Variants in SVOP observed in about 807,000 individuals in gnomAD.
SVOP encodes synaptic vesicle 2-related protein.
Under a neutral mutation model 69.1 loss-of-function variants are expected in SVOP, and 17 were observed. The ratio of observed to expected loss-of-function variants is 0.25; its 90% CI spans 0.17 to 0.37. The LOEUF is 0.37. Among genes scored for constraint, SVOP ranks in the 10% least tolerant of loss-of-function variants. The probability of loss-of-function intolerance (pLI) is 1.00; values close to 1 mark genes in which losing one functional copy is unlikely to be tolerated. For missense variants in SVOP, 435 were observed against 597.5 expected (o/e 0.73, Z 2.84); for synonymous variants, 238 against 238.6 (o/e 1.00, Z 0.02).
At chr12:108,971,144 T>C (rs899587275) in intron 5 of SVOP, among the ~76,000 whole-genome samples, 1 of 151,934 alleles carries the variant, frequency 6.6e-6, no homozygotes, top group African/African-American at 2.4e-5. Context: ...AAGAGGTCAA[T>C]TTGGCTGAGC....
intron 6 of SVOP, among the ~76,000 whole-genome samples, chr12:108,955,674 A>G (rs184139692): frequency 5.9e-5 from 9 of 152,310 alleles, no homozygotes; most frequent in African/African-American, 1.9e-4. Flanking sequence ...TGTTCTATCT[A>G]CAGTGATACC....
Position 108,980,681 on chromosome 12 carries a change from C to T in SVOP, c.197-2018G>A, listed in dbSNP as rs959954315. On this transcript the variant is annotated intron_variant, in intron 2 of 15. Transcript: ENST00000610966. ...AGGAGAATGGCGTGAACCCGGGAAG[C>T]GGAGCTTGCAGTGAGCCGAGATTGC... Among the ~76,000 whole-genome samples, 142 of 119,668 alleles carry T rather than the reference C, an allele frequency of 1.2e-3. 9 individuals are homozygous for T. The East Asian group carries it at 0.015, about 13-fold the overall frequency. The allele number at this position is 119,668 out of a possible 152,430, so 78.5% of individuals were successfully genotyped here.
chr12:108,951,900 G>T (rs993206321), intron 6 of SVOP, among the ~76,000 whole-genome samples: 4 of 152,158 alleles, frequency 2.6e-5, no homozygotes, highest in African/African-American at 9.7e-5. Flanking sequence ...TCCCCTCCTG[G>T]GGATCTGTGT....
At chr12:109,015,114 A>G (rs2040360793) in intron 1 of SVOP, among the ~76,000 whole-genome samples, 1 of 152,090 alleles carries the variant, frequency 6.6e-6, no homozygotes, top group African/African-American at 2.4e-5. Flanking sequence ...AGCTTTGGTG[A>G]GAAGGTGGTA....
chr12:109,003,005 A>AT (rs1448202267), intron 1 of SVOP, among the ~76,000 whole-genome samples: 1 of 13,024 alleles, frequency 7.7e-5, no homozygotes, highest in Non-Finnish European at 3.4e-3. Flanking sequence ...AAATAAATAA[A>AT]AATAAAAATA....
chr12:108,924,576 G>A (rs1277259746), intron 11 of SVOP, among the ~76,000 whole-genome samples: 1 of 152,020 alleles, frequency 6.6e-6, no homozygotes, highest in Non-Finnish European at 1.5e-5. Flanking sequence ...GACAGAGCAG[G>A]GACCCTGTCT....
intron 6 of SVOP, among the ~76,000 whole-genome samples, chr12:108,948,380 C>A (rs1025422711): frequency 1.3e-5 from 2 of 152,168 alleles, no homozygotes; most frequent in Admixed American, 6.5e-5. Context: ...AAAAGGGGGC[C>A]TCAGCAATAC....
chr12:109,005,934 G>C (rs1214849769), intron 1 of SVOP, among the ~76,000 whole-genome samples: 2 of 152,174 alleles, frequency 1.3e-5, no homozygotes, highest in African/African-American at 4.8e-5. Flanking sequence ...GGGACACCAT[G>C]GAAGGGTTTC....
At chr12:108,974,489 G>A (rs1475667013) in intron 4 of SVOP, among the ~76,000 whole-genome samples, 3 of 152,020 alleles carry the variant, frequency 2.0e-5, no homozygotes, top group African/African-American at 4.8e-5. Flanking sequence ...ATTATAATAG[G>A]GTAATGAATG....
chr12:108,940,006 T>G (rs1160324954), intron 8 of SVOP, among the ~76,000 whole-genome samples: 1 of 152,208 alleles, frequency 6.6e-6, no homozygotes, highest in East Asian at 1.9e-4. Flanking sequence ...TGAACTATTG[T>G]GTTAGTGAGA....
intron 1 of SVOP, among the ~76,000 whole-genome samples, chr12:108,992,770 G>A (rs1405057408): frequency 6.6e-6 from 1 of 152,176 alleles, no homozygotes; most frequent in Non-Finnish European, 1.5e-5. Context: ...AGCTTAATGG[G>A]TGTGGGGTCT....
At chr12:108,969,920 C>A (rs2040068913) in intron 5 of SVOP, among the ~76,000 whole-genome samples, 1 of 152,162 alleles carries the variant, frequency 6.6e-6, no homozygotes, top group Non-Finnish European at 1.5e-5. Flanking sequence ...CTTTTACTTC[C>A]TTTGGGAGCC....
intron 11 of SVOP, chr12:108,926,604 CCTGTCATTGT>C (rs1483644545): frequency 6.6e-6 from 1 of 152,204 alleles, no homozygotes; most frequent in Non-Finnish European, 1.5e-5. Context: ...GTTACCTTCA[CCTGTCATTGT>C]CTTTGAGCTA....
intron 9 of SVOP, 142 bp from the exon 10 acceptor site, chr12:108,937,479 T>G: frequency 1.2e-6 from 1 of 816,770 alleles, no homozygotes. Context: ...AACCCAGGTC[T>G]CAAATCTACA....
intron 4 of SVOP, among the ~76,000 whole-genome samples, chr12:108,973,699 C>T (rs2040091796): frequency 6.6e-6 from 1 of 152,086 alleles, no homozygotes; most frequent in African/African-American, 2.4e-5. Flanking sequence ...ACACCTGGCC[C>T]GAATGGATCA....
chr12:108,925,960 C>T, intron 11 of SVOP, among the ~76,000 whole-genome samples: 1 of 151,772 alleles, frequency 6.6e-6, no homozygotes, highest in East Asian at 1.9e-4. Flanking sequence ...ACTTTGTCAC[C>T]CAGGCTGGAG....
At chr12:108,984,704 G>A (rs2040158200) in intron 1 of SVOP, among the ~76,000 whole-genome samples, 1 of 152,044 alleles carries the variant, frequency 6.6e-6, no homozygotes, top group African/African-American at 2.4e-5. Flanking sequence ...TGATTTTTCT[G>A]GGCAGTAGTT....
chr12:109,017,614 A>G (rs2040374643), intron 1 of SVOP, among the ~76,000 whole-genome samples: 1 of 152,122 alleles, frequency 6.6e-6, no homozygotes, highest in Non-Finnish European at 1.5e-5. Flanking sequence ...CAGTGGCACA[A>G]TCTTTGCTCA....
At chr12:109,005,130 A>G (rs1455093998) in intron 1 of SVOP, among the ~76,000 whole-genome samples, 9 of 152,180 alleles carry the variant, frequency 5.9e-5, no homozygotes, top group Non-Finnish European at 2.9e-5. Context: ...AAGCTATCAG[A>G]CTGAAAAGGA....
Sources: gnomAD v4.1 joint callset for allele counts (sites outside exome capture counted in the v4.1 genomes callset) on GRCh38, gnomAD v4.1.1 for gene constraint, MANE v1.5 for transcripts, NCBI Gene and HGNC (gene_info 2026-07-23, HGNC 2026-07-21) for gene names.